The following DNAH14 variants were observed in gnomAD, a reference collection of about 807,000 sequenced individuals.
DNAH14 encodes the protein dynein axonemal heavy chain 14, also known as axonemal beta dynein heavy chain 14.
Under a neutral mutation model 520.9 loss-of-function variants are expected in DNAH14, and 478 were observed. The ratio of observed to expected loss-of-function variants is 0.92; its 90% CI spans 0.85 to 0.99. The LOEUF is 0.99. Among genes scored for constraint, DNAH14 ranks in the 50% least tolerant of loss-of-function variants. The probability of loss-of-function intolerance (pLI) is 0.00; values close to 1 mark genes in which losing one functional copy is unlikely to be tolerated. For missense variants in DNAH14, 4,831 were observed against 5,234.5 expected (o/e 0.92, Z 2.38); for synonymous variants, 1,581 against 1,757.2 (o/e 0.90, Z 2.51).
At chr1:225,086,878 T>C (rs1158190145) in intron 21 of DNAH14, among the ~76,000 whole-genome samples, 2 of 152,184 alleles carry the variant, frequency 1.3e-5, no homozygotes, top group East Asian at 3.8e-4. Flanking sequence ...CCTGTCACAA[T>C]TGGCTAAAGC....
chr1:225,221,601 T>C (rs2149511701), intron 41 of DNAH14, among the ~76,000 whole-genome samples: 1 of 152,296 alleles, frequency 6.6e-6, no homozygotes, highest in Middle Eastern at 3.4e-3. Flanking sequence ...CACAATGAGA[T>C]ACCATCTCAT....
chr1:225,289,238 A>G (rs2093812647), intron 54 of DNAH14, among the ~76,000 whole-genome samples: 1 of 152,174 alleles, frequency 6.6e-6, no homozygotes, highest in African/African-American at 2.4e-5. Flanking sequence ...AATGCCAAAA[A>G]TAGGCAAATC....
chr1:225,194,773 A>G (rs980886790), intron 38 of DNAH14, among the ~76,000 whole-genome samples: 12 of 152,042 alleles, frequency 7.9e-5, no homozygotes, highest in African/African-American at 2.9e-4. Context: ...TGTATCCGAT[A>G]AAAATCTAAT....
chr1:225,148,363 A>G (rs1321975858), intron 31 of DNAH14, among the ~76,000 whole-genome samples: 1 of 88,938 alleles, frequency 1.1e-5, no homozygotes, highest in Non-Finnish European at 2.4e-5. Context: ...TGTGGTTTTG[A>G]TTTGCTTTTC....
chr1:225,346,940 TC>T (rs761087569), intron 71 of DNAH14, among the ~76,000 whole-genome samples: 34 of 152,264 alleles, frequency 2.2e-4, no homozygotes, highest in Admixed American at 5.2e-4. Flanking sequence ...AGTTAAACCT[TC>T]CCCCACACCC....
chr1:224,947,433 AAC>A (rs2059916378), intron 1 of DNAH14, among the ~76,000 whole-genome samples: 1 of 152,178 alleles, frequency 6.6e-6, no homozygotes, highest in African/African-American at 2.4e-5. Context: ...CTGTCAAACA[AAC>A]AAAAAAACTG....
chr1:225,114,819 C>T (rs957982288), intron 23 of DNAH14, among the ~76,000 whole-genome samples: 3 of 152,174 alleles, frequency 2.0e-5, no homozygotes, highest in Non-Finnish European at 2.9e-5. Flanking sequence ...CACTCATTCT[C>T]TCTCTGTGCC....
intron 54 of DNAH14, among the ~76,000 whole-genome samples, chr1:225,285,679 A>C (rs1427742606): frequency 6.6e-6 from 1 of 152,136 alleles, no homozygotes; most frequent in African/African-American, 2.4e-5. Context: ...CCACATAATG[A>C]GACCCCCTTC....
chr1:225,387,523 G>A (rs564291563), intron 81 of DNAH14, among the ~76,000 whole-genome samples: 32 of 152,226 alleles, frequency 2.1e-4, no homozygotes, highest in African/African-American at 7.5e-4. Context: ...AAGAGAAGAG[G>A]GCTGAAGGGA....
At chr1:225,100,057 CA>C (rs1295754281) in intron 22 of DNAH14, among the ~76,000 whole-genome samples, 2 of 152,050 alleles carry the variant, frequency 1.3e-5, no homozygotes, top group Non-Finnish European at 2.9e-5. Flanking sequence ...CCAACAACAA[CA>C]GAAACAAAAC....
At chr1:224,986,178 T>C (rs2062623323) in intron 8 of DNAH14, among the ~76,000 whole-genome samples, 1 of 151,988 alleles carries the variant, frequency 6.6e-6, no homozygotes, top group South Asian at 2.1e-4. Context: ...GATGGCTTCT[T>C]CTGAATTTTG....
intron 63 of DNAH14, 84 bp from the exon 64 acceptor site, chr1:225,324,653 G>T: frequency 8.1e-7 from 1 of 1,241,348 alleles, no homozygotes. Context: ...AATTGACTCT[G>T]TAAATGTCTT....
At chr1:225,020,714 T>A (rs974265220) in intron 10 of DNAH14, among the ~76,000 whole-genome samples, 2 of 151,988 alleles carry the variant, frequency 1.3e-5, no homozygotes, top group Non-Finnish European at 2.9e-5. Context: ...TTGGACCATA[T>A]GGATTTGATT....
At chr1:225,325,254 G>T (rs1202564637) in intron 64 of DNAH14, among the ~76,000 whole-genome samples, 1 of 151,774 alleles carries the variant, frequency 6.6e-6, no homozygotes, top group Non-Finnish European at 1.5e-5. Context: ...GGAGGCTGAG[G>T]CAGGTGGATC....
At position 225,360,714 on chromosome 1, in the gene DNAH14, C is replaced by T; in HGVS notation, c.11810C>T (p.Ala3937Val). ...CTTACCAATATCCTCCTGAGATTTG[C>T]ACAAGAGTTAAAAGGAACAACACAT... is the stretch of plus-strand genomic sequence containing the variant. ...IDLTNILLRF[A>V]QELKGTTHHV... Residue 3937 changes from alanine to valine, a missense_variant, in exon 75 of 86, where the codon GCA becomes GTA. By Grantham distance (64) the Ala-to-Val change is moderately conservative. Coordinates refer to ENST00000682510, the MANE Select transcript of DNAH14 (RefSeq NM_001367479.1). 6.4e-7 allele frequency: 1 copy of T among 1,551,720 alleles called. No homozygotes were observed.
chr1:225,377,343 C>A lies in DNAH14; in HGVS notation c.12623C>A (p.Ala4208Asp), dbSNP rs746052555. 3 of 1,550,982 alleles carry A rather than the reference C, an allele frequency of 1.9e-6. No individual in the cohort carries two copies. The South Asian group carries it at 3.6e-5, about 18-fold the overall frequency. Residue 4208 changes from alanine (A) to aspartate (D), a missense_variant, in exon 79 of 86, where the codon GCC becomes GAC. Physicochemically the swap from Ala to Asp is moderately radical, Grantham distance 126. Transcript: ENST00000682510. ...LPEVLGIHPE[A>D]IRSCWETQGE... ...GAGGTCTTAGGAATACACCCAGAGG[C>A]CATCAGGAGCTGCTGGGAGACCCAG...
intron 10 of DNAH14, among the ~76,000 whole-genome samples, chr1:225,019,168 A>G (rs2065451794): frequency 6.6e-6 from 1 of 152,204 alleles, no homozygotes; most frequent in Admixed American, 6.5e-5. Flanking sequence ...GCTGTCTCTA[A>G]GAGACCCATC....
intron 23 of DNAH14, among the ~76,000 whole-genome samples, chr1:225,114,107 G>A (rs1187503447): frequency 6.6e-6 from 1 of 152,174 alleles, no homozygotes; most frequent in Non-Finnish European, 1.5e-5. Context: ...TATGAAGCCA[G>A]AATGTCTCAG....
At chr1:225,229,864 A>G (rs922005347) in intron 41 of DNAH14, among the ~76,000 whole-genome samples, 12 of 152,200 alleles carry the variant, frequency 7.9e-5, no homozygotes, top group Non-Finnish European at 4.4e-5. Context: ...ATGTATACCT[A>G]TGTAACAAAC....
Sources: allele counts gnomAD v4.1 joint callset (sites outside exome capture counted in the v4.1 genomes callset), GRCh38; gene constraint gnomAD v4.1.1; transcripts MANE v1.5; gene names NCBI Gene and HGNC (gene_info 2026-07-23, HGNC 2026-07-21).